CNGA1: variants seen among roughly 807,000 people sequenced by gnomAD.
CNGA1 encodes the protein cyclic nucleotide gated channel subunit alpha 1, also known as cyclic nucleotide-gated channel alpha-1.
CNGA1 carries 53 observed loss-of-function variants against 69.7 expected under a neutral mutation model. The ratio of observed to expected loss-of-function variants is 0.76; its 90% CI spans 0.61 to 0.96. CNGA1 has a LOEUF of 0.96. CNGA1 is among the 40% of genes least tolerant of loss of function. The pLI is 0.00. For synonymous variants in CNGA1, 249 were observed against 283.5 expected (o/e 0.88, Z 1.22); for missense variants, 739 against 811.2 (o/e 0.91, Z 1.08).
At chr4:47,990,669 G>A (rs1252233101) in intron 2 of CNGA1, among the ~76,000 whole-genome samples, 7 of 151,992 alleles carry the variant, frequency 4.6e-5, no homozygotes, top group African/African-American at 1.2e-4. Flanking sequence ...CTGATTTTGC[G>A]GCTCGGCGTC....
At chr4:48,005,714 G>T (rs143387383) in intron 2 of CNGA1, among the ~76,000 whole-genome samples, 2 of 152,158 alleles carry the variant, frequency 1.3e-5, no homozygotes, top group Non-Finnish European at 2.9e-5. Context: ...ATAGACAAAA[G>T]TATGAGGCCA....
chr4:47,941,899 ATAATC>A (rs1413664686), intron 9 of CNGA1, 137 bp downstream of exon 9: 5 of 646,190 alleles, frequency 7.7e-6, no homozygotes, highest in Non-Finnish European at 1.4e-5. Flanking sequence ...CACACTGAGA[ATAATC>A]TAGCCTCTCT....
chr4:47,990,649 T>C (rs1742217544), intron 2 of CNGA1, among the ~76,000 whole-genome samples: 1 of 152,126 alleles, frequency 6.6e-6, no homozygotes, highest in Admixed American at 6.6e-5. Context: ...AAATCCCTAA[T>C]AAAAACTTGC....
chr4:47,989,740 C>G (rs1054334909), intron 2 of CNGA1, among the ~76,000 whole-genome samples: 7 of 149,152 alleles, frequency 4.7e-5, no homozygotes, highest in South Asian at 2.1e-4. Context: ...TTCATTGCAC[C>G]CATTGCCCAA....
rs371709712 is a variant in CNGA1 at position 47,954,224 on chromosome 4, CTTCCCGGAA to C, written c.-14-1530_-14-1522del. ...GAAGATTATCCCCACACCCCTCCAC[CTTCCCGGAA>C]TTCCAGCTCCCCATCCCGCTGAAAG... On this transcript the variant is annotated intron_variant, in intron 3 of 10. Coordinates refer to ENST00000514170, the MANE Select transcript of CNGA1 (RefSeq NM_001379270.1). Among the ~76,000 whole-genome samples, 392 of 152,310 alleles carry C rather than the reference CTTCCCGGAA, an allele frequency of 2.6e-3. 2 individuals carry two copies. Among genetic ancestry groups the C allele is most frequent in the Middle Eastern group, 0.014 (4 of 294 alleles).
intron 7 of CNGA1, 33 bp from the exon 8 acceptor site, chr4:47,943,321 A>G: frequency 6.5e-7 from 1 of 1,542,128 alleles, no homozygotes; most frequent in Non-Finnish European, 8.8e-7. Context: ...ATTAAAATAC[A>G]GAAATGTTAT....
At position 47,937,772 on chromosome 4, in the gene CNGA1, T is replaced by A; in HGVS notation, c.710A>T (p.Lys237Ile). The change falls in exon 11 of 11, where the codon AAA becomes ATA. Residue 237 changes from lysine to isoleucine, a missense_variant. Transcript: ENST00000514170. ...KEELKLINKY[K>I]SNLQFKLDVL... Reference sequence around the variant, plus strand: ...ATCAAGTTTAAATTGCAAGTTGGATTTATATTTATTTATGAGTTTAAGTTC... The same window carrying A: ...ATCAAGTTTAAATTGCAAGTTGGATATATATTTATTTATGAGTTTAAGTTC... The A allele has an allele frequency of 1.2e-6, 2 of 1,613,546 alleles. No homozygotes were observed. Among genetic ancestry groups the A allele is most frequent in the Non-Finnish European group, 1.7e-6 (2 of 1,179,624 alleles).
At chr4:48,009,325 G>A (rs893368994) in intron 2 of CNGA1, among the ~76,000 whole-genome samples, 1 of 151,888 alleles carries the variant, frequency 6.6e-6, no homozygotes, top group African/African-American at 2.4e-5. Context: ...AATTAGCCGA[G>A]GGTGGTGCTG....
intron 3 of CNGA1, among the ~76,000 whole-genome samples, chr4:47,964,841 A>G (rs1300117546): frequency 6.6e-6 from 1 of 152,034 alleles, no homozygotes; most frequent in Non-Finnish European, 1.5e-5. Flanking sequence ...CATGTTTTAT[A>G]TTTGTGTTCC....
intron 3 of CNGA1, among the ~76,000 whole-genome samples, chr4:47,963,243 G>A (rs922095371): frequency 2.0e-5 from 3 of 152,216 alleles, no homozygotes; most frequent in Admixed American, 6.5e-5. Flanking sequence ...GGGCCATCAC[G>A]CCAAGCCAAT....
chr4:47,944,285 C>A (rs1028299878), intron 6 of CNGA1, among the ~76,000 whole-genome samples: 3 of 152,146 alleles, frequency 2.0e-5, no homozygotes, highest in African/African-American at 7.2e-5. Context: ...AATGACCCAA[C>A]AGAAGTGGAA....
In CNGA1 at chr4:47,949,820, T is replaced by C; in HGVS notation, c.287+13A>G. The C allele has an allele frequency of 6.2e-7, 1 of 1,612,040 alleles. No individual in the cohort carries two copies. Among genetic ancestry groups the C allele is most frequent in the Non-Finnish European group, 8.5e-7 (1 of 1,178,168 alleles). Reference sequence around the variant, plus strand: ...AAACCAAAACTTTGGTTTTCTATTGTAAATATACTTACTGGTCCTTATTGC... The same window carrying C: ...AAACCAAAACTTTGGTTTTCTATTGCAAATATACTTACTGGTCCTTATTGC... On this transcript the variant is annotated intron_variant, in intron 6 of 10. Transcript: ENST00000514170.
At chr4:47,966,975 C>T (rs897123698) in intron 3 of CNGA1, among the ~76,000 whole-genome samples, 3 of 152,056 alleles carry the variant, frequency 2.0e-5, no homozygotes, top group African/African-American at 7.2e-5. Flanking sequence ...AGGGAACTTC[C>T]TCAACCCGAT....
At chr4:47,952,878 G>C (rs936203239) in intron 3 of CNGA1, 175 bp from the exon 4 acceptor site, 2 of 376,668 alleles carry the variant, frequency 5.3e-6, no homozygotes, top group African/African-American at 4.2e-5. Context: ...ACATGGCTAG[G>C]GGGAGCCTCA....
chr4:47,986,628 C>T (rs1043599388), intron 2 of CNGA1, among the ~76,000 whole-genome samples: 1 of 152,040 alleles, frequency 6.6e-6, no homozygotes, highest in Non-Finnish European at 1.5e-5. Flanking sequence ...TTTGTACATT[C>T]ATTTCACATA....
chr4:48,004,110 G>A (rs370561909), intron 2 of CNGA1, among the ~76,000 whole-genome samples: 1 of 151,824 alleles, frequency 6.6e-6, no homozygotes, highest in African/African-American at 2.4e-5. Context: ...AAAGTACTAA[G>A]TCTCTGAGAA....
chr4:47,938,364 T>C (rs750216803), intron 10 of CNGA1, among the ~76,000 whole-genome samples: 29 of 149,960 alleles, frequency 1.9e-4, no homozygotes, highest in Non-Finnish European at 4.0e-4. Context: ...TTAAAACTCT[T>C]GTAATTTCCT....
chr4:47,983,631 A>C (rs1741847656), intron 2 of CNGA1, among the ~76,000 whole-genome samples: 1 of 152,064 alleles, frequency 6.6e-6, no homozygotes, highest in Non-Finnish European at 1.5e-5. Flanking sequence ...AAAAAGAAAA[A>C]GAAAAAGAGA....
Position 47,986,725 on chromosome 4 carries a change from A to C in CNGA1, c.-122-5225T>G, listed in dbSNP as rs575014652. On this transcript the variant is annotated intron_variant, in intron 2 of 10. Coordinates refer to ENST00000514170, the MANE Select transcript of CNGA1 (RefSeq NM_001379270.1). ...TCCTCAGAGACTCCACAGAGGCAGG[A>C]CACAGGCAAACAAAAAAATAAAAAA... Among the ~76,000 whole-genome samples the C allele has an allele frequency of 2.6e-5, 4 of 152,218 alleles. No homozygotes were observed. In the East Asian group the frequency reaches 5.8e-4, roughly 22 times the overall value.
Sources: allele counts gnomAD v4.1 joint callset (sites outside exome capture counted in the v4.1 genomes callset), GRCh38; gene constraint gnomAD v4.1.1; transcripts MANE v1.5; gene names NCBI Gene and HGNC (gene_info 2026-07-23, HGNC 2026-07-21).